Variants in GPN1 observed in about 807,000 individuals in gnomAD.
GPN1 encodes ATP(GTP)-binding protein.
GPN1 carries 44 observed loss-of-function variants against 55.9 expected under a neutral mutation model. The observed-to-expected ratio is 0.79, with a 90% CI of 0.62 to 1.01. GPN1 has a LOEUF of 1.01. GPN1 is among the 50% of genes least tolerant of loss of function. The pLI is 0.00. For synonymous variants in GPN1, 179 were observed against 162.5 expected (o/e 1.10, Z -0.77); for missense variants, 466 against 462.8 (o/e 1.01, Z -0.06).
At chr2:27,633,751 A>G (rs766024360) in intron 5 of GPN1, among the ~76,000 whole-genome samples, 1 of 150,896 alleles carries the variant, frequency 6.6e-6, no homozygotes, top group Non-Finnish European at 1.5e-5. Context: ...TGCTGGAACT[A>G]TAGGTGTGAG....
chr2:27,631,267 G>A (rs753545769), intron 3 of GPN1: 13 of 578,990 alleles, frequency 2.2e-5, no homozygotes, highest in Non-Finnish European at 3.7e-5. Context: ...CAGATGGCAG[G>A]CTGTTGTAAT....
chr2:27,638,644 T>G (rs1673823825), intron 8 of GPN1, among the ~76,000 whole-genome samples: 1 of 150,506 alleles, frequency 6.6e-6, no homozygotes, highest in Non-Finnish European at 1.5e-5. Context: ...TGGTGTCCAT[T>G]CTGGTCCTGG....
chr2:27,642,391 C>T (rs758953732), intron 11 of GPN1, 38 bp from the exon 12 acceptor site: 2 of 1,322,310 alleles, frequency 1.5e-6, no homozygotes, highest in Non-Finnish European at 2.2e-6. Flanking sequence ...TTTGGGACTC[C>T]TTTTTGAATA....
chr2:27,635,300 C>CTTTTTTTTTTTTTTTTTTTTTTTTTTTTT (rs57185039), intron 7 of GPN1, 66 bp downstream of exon 7: 2 of 523,148 alleles, frequency 3.8e-6, no homozygotes, highest in African/African-American at 4.7e-5. Flanking sequence ...TCTTCTTCCT[C>CTTTTTTTTTTTTTTTTTTTTTTTTTTTTT]TTTTTTTTTT....
rs375695163 is a variant in GPN1, at chr2:27,637,193, A to G, written c.525-1017A>G. Among the ~76,000 whole-genome samples, 5 of 152,210 alleles carry G rather than the reference A, an allele frequency of 3.3e-5. No individual in the cohort carries two copies. The East Asian group carries it at 7.7e-4, about 23-fold the overall frequency. ...TAAACAGTAGATTAACACACATTAC[A>G]TATATATTATATGTATTATATGCTG... On this transcript the variant is annotated intron_variant, in intron 7 of 13. Transcript: ENST00000610189.
At chr2:27,641,419 G>C in intron 11 of GPN1, 140 bp downstream of exon 11, 2 of 552,610 alleles carry the variant, frequency 3.6e-6, no homozygotes, top group Non-Finnish European at 6.4e-6. Flanking sequence ...GCTTTATTGA[G>C]GTACAAGTGG....
chr2:27,649,612 A>G (rs1674422768), intron 13 of GPN1, among the ~76,000 whole-genome samples: 1 of 152,100 alleles, frequency 6.6e-6, no homozygotes, highest in African/African-American at 2.4e-5. Flanking sequence ...CCAGAATGCC[A>G]TAGAAATAGA....
At chr2:27,634,993 T>C (rs1431737092) in intron 6 of GPN1, 69 bp downstream of exon 6, 4 of 1,043,470 alleles carry the variant, frequency 3.8e-6, no homozygotes, top group South Asian at 2.5e-5. Context: ...TTATTTTTAA[T>C]TGCCTTGGAC....
intron 13 of GPN1, among the ~76,000 whole-genome samples, chr2:27,649,908 A>G (rs1381201424): frequency 2.0e-5 from 3 of 152,150 alleles, no homozygotes; most frequent in Non-Finnish European, 4.4e-5. Flanking sequence ...TTTAGCTACT[A>G]TGAGGGAGGT....
intron 7 of GPN1, among the ~76,000 whole-genome samples, chr2:27,637,341 GT>G (rs1453667782): frequency 2.7e-5 from 4 of 150,908 alleles, no homozygotes; most frequent in Non-Finnish European, 6.0e-5. Flanking sequence ...AAGAGTAGGG[GT>G]TGGGTTTTGC....
upstream of GPN1, chr2:27,628,841 C>T: frequency 6.8e-7 from 1 of 1,471,384 alleles, no homozygotes; most frequent in Non-Finnish European, 9.0e-7. Context: ...CTCCCTTCAG[C>T]CTTCCTCTCG....
At chr2:27,647,810 A>T in intron 12 of GPN1, 26 bp from the exon 13 acceptor site, 1 of 1,349,140 alleles carries the variant, frequency 7.4e-7, no homozygotes, top group Non-Finnish European at 1.1e-6. Context: ...GAGGAGGCAT[A>T]TCACTGATAG....
At position 27,651,489 on chromosome 2, in the gene GPN1, TAA is replaced by T. The variant is rs1209482045; in HGVS notation, c.*1292_*1293del. On this transcript the variant is annotated 3_prime_UTR_variant, in exon 14 of 14. Transcript: ENST00000610189. ...TATGCAGTTTAACATTCTGCAGCAA[TAA>T]AAGTGTTTTATTATAAAGTATTAAT... 6 of 152,378 alleles carry T rather than the reference TAA, an allele frequency of 3.9e-5. No individual in the cohort carries two copies. Among genetic ancestry groups the T allele is most frequent in the Admixed American group, 2.0e-4 (3 of 15,288 alleles). The allele number at this position is 152,378 out of a possible 1,614,324, so 9.4% of individuals were successfully genotyped here.
At chr2:27,641,582 T>A (rs1673952254) in intron 11 of GPN1, among the ~76,000 whole-genome samples, 1 of 152,094 alleles carries the variant, frequency 6.6e-6, no homozygotes, top group Non-Finnish European at 1.5e-5. Context: ...AAGAGTGTAG[T>A]GGTGCTTCAC....
Position 27,631,079 on chromosome 2 carries a change from A to G in GPN1, c.245+13A>G. 1.5e-6 allele frequency: 2 copies of G among 1,342,032 alleles called. No individual in the cohort carries two copies. Among genetic ancestry groups the G allele is most frequent in the East Asian group, 2.3e-5 (1 of 43,628 alleles). 83.1% of individuals were successfully genotyped at this position (1,342,032 alleles called of 1,614,324 possible). ...AAGTAATGAAACAGTATCCTTTTCC[A>G]TCTACTTTGGTCTTGACTCATTCCT... On this transcript the variant is annotated intron_variant, in intron 3 of 13. Coordinates refer to ENST00000610189, the MANE Select transcript of GPN1 (RefSeq NM_007266.4).
chr2:27,629,443 G>A, intron 1 of GPN1: 1 of 1,538,144 alleles, frequency 6.5e-7, no homozygotes. Context: ...TTTCTCGGAG[G>A]CAAGTTACAA....
intron 2 of GPN1, among the ~76,000 whole-genome samples, chr2:27,630,218 C>T (rs1673482822): frequency 6.6e-6 from 1 of 151,980 alleles, no homozygotes; most frequent in Admixed American, 6.6e-5. Flanking sequence ...ACCCGGGTGG[C>T]AGAGGTTGCA....
intron 5 of GPN1, among the ~76,000 whole-genome samples, chr2:27,633,301 A>G (rs1314424311): frequency 6.6e-6 from 1 of 151,930 alleles, no homozygotes; most frequent in Non-Finnish European, 1.5e-5. Context: ...ATGGGGTACT[A>G]GAGGTAGCTT....
rs561006392 is a variant in GPN1, at chr2:27,643,927, C to G, written c.931+1408C>G. ...GGCGCAGTGGCTCACGCCTGTAATC[C>G]CAGCATTTTGGGAGGCCGAGGCGGG... On this transcript the variant is annotated intron_variant, in intron 12 of 13. Coordinates refer to ENST00000610189, the MANE Select transcript of GPN1 (RefSeq NM_007266.4). The surrounding 1 kb of genome is among the most constrained non-coding windows in gnomAD (Gnocchi z 4.0). Among the ~76,000 whole-genome samples, 1 of 152,246 alleles carries G rather than the reference C, an allele frequency of 6.6e-6. No homozygotes were observed. The highest frequency in any genetic ancestry group is 1.9e-4 in the East Asian group (1 of 5,188).
Sources: allele counts gnomAD v4.1 joint callset (sites outside exome capture counted in the v4.1 genomes callset), GRCh38; gene constraint gnomAD v4.1.1; non-coding constraint Gnocchi (gnomAD v3.1); transcripts MANE v1.5; gene names NCBI Gene and HGNC (gene_info 2026-07-23, HGNC 2026-07-21).